Variants in PCDH15 observed in about 807,000 individuals in gnomAD.
PCDH15 encodes protocadherin related 15.
In PCDH15, 129 loss-of-function variants were observed where a neutral mutation model predicts 178.5. The observed-to-expected ratio is 0.72, with a 90% CI of 0.63 to 0.84. PCDH15 has a LOEUF of 0.84. Among genes scored for constraint, PCDH15 ranks in the 40% least tolerant of loss-of-function variants. The pLI is 0.00. For synonymous variants in PCDH15, 800 were observed against 732.0 expected (o/e 1.09, Z -1.50); for missense variants, 2,230 against 2,099.9 (o/e 1.06, Z -1.21).
At chr10:53,916,159 C>T (rs1403723934) in intron 25 of PCDH15, among the ~76,000 whole-genome samples, 2 of 152,130 alleles carry the variant, frequency 1.3e-5, no homozygotes, top group Non-Finnish European at 2.9e-5. Context: ...AAATTCTGTG[C>T]ATGTTCATTG....
chr10:54,378,751 A>G, intron 4 of PCDH15, 31 bp downstream of exon 4: 1 of 1,606,508 alleles, frequency 6.2e-7, no homozygotes, highest in Non-Finnish European at 8.5e-7. Flanking sequence ...ATAAACTTAT[A>G]TTACAGGGGC....
chr10:54,035,730 C>G (rs892621329), intron 18 of PCDH15, among the ~76,000 whole-genome samples: 1 of 151,818 alleles, frequency 6.6e-6, no homozygotes, highest in African/African-American at 2.4e-5. Flanking sequence ...AGTTGTGTGT[C>G]TCTGATTTGA....
chr10:54,714,244 G>A (rs1591224897), intron 1 of PCDH15, among the ~76,000 whole-genome samples: 2 of 152,080 alleles, frequency 1.3e-5, no homozygotes, highest in South Asian at 2.1e-4. Flanking sequence ...ACTGTCTATC[G>A]CAAACATCAC....
chr10:55,478,565 AGGAGCTAAT>A (rs1223121718), intron 2 of PCDH15, among the ~76,000 whole-genome samples: 1 of 151,624 alleles, frequency 6.6e-6, no homozygotes, highest in Non-Finnish European at 1.5e-5. Context: ...TTTCAACTAA[AGGAGCTAAT>A]GTTGTACCTC....
At chr10:55,499,041 C>A (rs1265663603) in intron 2 of PCDH15, among the ~76,000 whole-genome samples, 2 of 151,782 alleles carry the variant, frequency 1.3e-5, no homozygotes, top group Non-Finnish European at 2.9e-5. Flanking sequence ...TGATGCCTGT[C>A]AACTGGAGAA....
chr10:54,017,516 T>A (rs1442659939), intron 20 of PCDH15, among the ~76,000 whole-genome samples: 1 of 152,178 alleles, frequency 6.6e-6, no homozygotes, highest in East Asian at 1.9e-4. Flanking sequence ...GAGGCCATTA[T>A]CCTAAACAAA....
intron 1 of PCDH15, among the ~76,000 whole-genome samples, chr10:54,709,206 C>A (rs187306849): frequency 6.6e-6 from 1 of 152,188 alleles, no homozygotes; most frequent in Admixed American, 6.5e-5. Flanking sequence ...GAAACAAGAT[C>A]TTTGCAAATG....
intron 3 of PCDH15, among the ~76,000 whole-genome samples, chr10:54,441,916 A>G (rs1327358610): frequency 1.3e-5 from 2 of 151,758 alleles, no homozygotes; most frequent in Non-Finnish European, 2.9e-5. Context: ...AGCAGAGAGG[A>G]GGTTCAAGAG....
intron 2 of PCDH15, among the ~76,000 whole-genome samples, chr10:55,375,711 T>C (rs1310739208): frequency 5.9e-5 from 9 of 152,122 alleles, no homozygotes; most frequent in African/African-American, 2.2e-4. Context: ...TTTTGTTAGC[T>C]ACCTTCAATC....
At chr10:55,148,844 T>A (rs1209021240) in intron 2 of PCDH15, among the ~76,000 whole-genome samples, 1 of 148,098 alleles carries the variant, frequency 6.8e-6, no homozygotes, top group Non-Finnish European at 1.5e-5. Context: ...TTATATATAT[T>A]ATATAAATAT....
intron 3 of PCDH15, among the ~76,000 whole-genome samples, chr10:54,505,228 A>G (rs1589762037): frequency 6.6e-6 from 1 of 152,214 alleles, no homozygotes; most frequent in East Asian, 1.9e-4. Context: ...GCCTCTTATC[A>G]AAGGAACTAC....
At chr10:55,338,042 T>A (rs1232708293) in intron 2 of PCDH15, among the ~76,000 whole-genome samples, 2 of 151,978 alleles carry the variant, frequency 1.3e-5, no homozygotes, top group Non-Finnish European at 2.9e-5. Flanking sequence ...AGCCAAAAAC[T>A]ATATGGAAAA....
chr10:55,147,377 A>C (rs542420311), intron 2 of PCDH15, among the ~76,000 whole-genome samples: 40 of 151,758 alleles, frequency 2.6e-4, no homozygotes, highest in Admixed American at 6.6e-4. Context: ...GATAATAGTA[A>C]CATAACATAT....
intron 1 of PCDH15, among the ~76,000 whole-genome samples, chr10:54,797,118 GTTTGCCC>G (rs1952112049): frequency 1.3e-5 from 2 of 151,978 alleles, no homozygotes; most frequent in Admixed American, 1.3e-4. Context: ...TCTATCGGAA[GTTTGCCC>G]TTTCACTAGG....
chr10:54,898,365 C>G (rs1954582481), intron 2 of PCDH15, among the ~76,000 whole-genome samples: 1 of 151,804 alleles, frequency 6.6e-6, no homozygotes, highest in Non-Finnish European at 1.5e-5. Flanking sequence ...TAAAATAATA[C>G]AATAATAAAC....
rs932757677 is a variant in PCDH15, at chr10:54,395,299, G to A, written c.158-16357C>T. ...TGTCCATGAAATCTTCACAATCTAC[G>A]TTCTTCTGCCATGGCTTCAGCAGGT... is the stretch of plus-strand genomic sequence containing the variant. On this transcript the variant is annotated intron_variant, in intron 3 of 37. Transcript: ENST00000644397. 5.3e-4 allele frequency among the ~76,000 whole-genome samples: 80 copies of A among 151,668 alleles called. 1 individual carries two copies. Among genetic ancestry groups the A allele is most frequent in the African/African-American group, 1.7e-3 (72 of 41,310 alleles).
chr10:54,122,274 T>G (rs1420678409), intron 15 of PCDH15, among the ~76,000 whole-genome samples: 1 of 152,030 alleles, frequency 6.6e-6, no homozygotes, highest in Non-Finnish European at 1.5e-5. Context: ...AACCATATGA[T>G]CACCTCGAGA....
intron 28 of PCDH15, among the ~76,000 whole-genome samples, chr10:53,856,439 A>G (rs1024966281): frequency 5.3e-5 from 8 of 152,042 alleles, no homozygotes; most frequent in African/African-American, 1.9e-4. Flanking sequence ...GACATGCCAC[A>G]TATTTTACAA....
intron 2 of PCDH15, among the ~76,000 whole-genome samples, chr10:54,650,119 G>A (rs2094221935): frequency 6.6e-6 from 1 of 152,106 alleles, no homozygotes; most frequent in Non-Finnish European, 1.5e-5. Flanking sequence ...TTGATTGGGT[G>A]TCATCAGTAC....
Sources: gnomAD v4.1 joint callset for allele counts (sites outside exome capture counted in the v4.1 genomes callset) on GRCh38, gnomAD v4.1.1 for gene constraint, MANE v1.5 for transcripts, NCBI Gene and HGNC (gene_info 2026-07-23, HGNC 2026-07-21) for gene names.